The following LRRC37A3 variants were observed in gnomAD, a reference collection of about 807,000 sequenced individuals.
LRRC37A3 encodes the protein leucine rich repeat containing 37 member A3, also known as leucine-rich repeat-containing protein 37A3.
A neutral mutation model predicts 106.2 loss-of-function variants in LRRC37A3; 25 were observed. The ratio of observed to expected loss-of-function variants is 0.24; its 90% CI spans 0.17 to 0.33. LRRC37A3 has a LOEUF of 0.33. Ranked by LOEUF, LRRC37A3 falls within the 10% of genes least tolerant of loss-of-function variation. LRRC37A3 has a pLI of 1.00. For synonymous variants in LRRC37A3, 305 were observed against 635.8 expected, an observed-to-expected ratio of 0.48 and a Z score of 7.83; for missense variants, 712 against 1,644.9, an observed-to-expected ratio of 0.43 and a Z score of 9.81.
intron 8 of LRRC37A3, among the ~76,000 whole-genome samples, chr17:64,880,529 C>G (rs1479610130): frequency 1.3e-5 from 2 of 152,150 alleles, no homozygotes; most frequent in East Asian, 3.8e-4. Context: ...AACTAAGGTG[C>G]ACTGACTCCC....
chr17:64,899,505 T>C (rs1244043407), intron 2 of LRRC37A3, among the ~76,000 whole-genome samples: 5 of 142,152 alleles, frequency 3.5e-5, no homozygotes, highest in Admixed American at 6.8e-5. Flanking sequence ...CCATCATATA[T>C]GTGGTCTACT....
At chr17:64,912,719 A>T (rs1353645694) in intron 2 of LRRC37A3, among the ~76,000 whole-genome samples, 1 of 149,606 alleles carries the variant, frequency 6.7e-6, no homozygotes, top group Non-Finnish European at 1.5e-5. Flanking sequence ...GATTACATTT[A>T]AAAGAAAAAC....
Position 64,860,007 on chromosome 17 carries a change from T to C in LRRC37A3, c.4139A>G (p.Glu1380Gly), listed in dbSNP as rs1021010409. Reference protein sequence around the residue: ...NPFLEVSAPSEHFIENNNTKD... With the variant: ...NPFLEVSAPSGHFIENNNTKD... ...TGTATTATTGTTTTCTATAAAATGT[T>C]CTGAAGGAGCAGATACTTCCAGAAA... The change falls in exon 12 of 15, where the codon GAA (glutamate) becomes GGA (glycine). Residue 1380 changes from glutamate to glycine, a missense_variant. Transcript: ENST00000584306. 1.9e-6 allele frequency: 3 copies of C among 1,613,766 alleles called. No individual in the cohort carries two copies. Among genetic ancestry groups the C allele is most frequent in the Non-Finnish European group, 2.5e-6 (3 of 1,179,876 alleles).
Position 64,872,501 on chromosome 17 carries a change from C to A in LRRC37A3, c.2907-3335G>T, listed in dbSNP as rs571180734. Among the ~76,000 whole-genome samples the A allele has an allele frequency of 1.8e-4, 27 of 152,266 alleles. 1 individual carries two copies. In the South Asian group the frequency reaches 5.2e-3, roughly 29 times the overall value. The stretch of plus-strand genomic sequence containing the variant: ...ATCTGTCTGGTGGTTCCCTGGAAGA[C>A]CTCATTTGAAAGGTCTGTCTTTATT... On this transcript the variant is annotated intron_variant, in intron 8 of 14. Coordinates refer to ENST00000584306, the MANE Select transcript of LRRC37A3 (RefSeq NM_199340.5).
chr17:64,866,624 ATATATTTTTT>A (rs1460373385), intron 10 of LRRC37A3, among the ~76,000 whole-genome samples: 3 of 23,914 alleles, frequency 1.3e-4, no homozygotes, highest in African/African-American at 6.9e-4. Flanking sequence ...ATATATATAT[ATATATTTTTT>A]TTTTTTTTTT....
At chr17:64,861,563 A>G (rs1972872648) in intron 11 of LRRC37A3, among the ~76,000 whole-genome samples, 1 of 152,226 alleles carries the variant, frequency 6.6e-6, no homozygotes, top group South Asian at 2.1e-4. Flanking sequence ...GCCCCATCAC[A>G]GAAGATGCGA....
At chr17:64,908,878 C>CA (rs1342637314) in intron 2 of LRRC37A3, among the ~76,000 whole-genome samples, 1 of 142,058 alleles carries the variant, frequency 7.0e-6, no homozygotes, top group Non-Finnish European at 1.5e-5. Context: ...GCCTGGGCAA[C>CA]ACAGGGATAC....
In LRRC37A3 at chr17:64,855,866, T is replaced by C. The variant is rs1972661507; in HGVS notation, c.4833A>G (p.Leu1611=). ...LIEICCHRRS[L]QEDEEGFSRD... ...TTGAGAATCCTTCTTCATCTTCTTGTAATGACCTTCGGTGACAACAGATCT... is the reference window on the plus strand; with the variant it reads ...TTGAGAATCCTTCTTCATCTTCTTGCAATGACCTTCGGTGACAACAGATCT... Residue 1611 remains leucine, a synonymous_variant, in exon 14 of 15, where the codon TTA becomes TTG. Transcript: ENST00000584306. The C allele has an allele frequency of 6.2e-7, 1 of 1,611,852 alleles. No homozygotes were observed. The highest frequency in any genetic ancestry group is 8.5e-7 in the Non-Finnish European group (1 of 1,179,714).
In LRRC37A3 at chr17:64,866,628, A is replaced by ATT. The variant is rs1183521580; in HGVS notation, c.3053+1832_3053+1833dup. Among the ~76,000 whole-genome samples the ATT allele has an allele frequency of 6.0e-3, 108 of 17,870 alleles. 20 individuals carry two copies. The highest frequency in any genetic ancestry group is 7.9e-3 in the Non-Finnish European group (92 of 11,582). 11.7% of individuals were successfully genotyped at this position (17,870 alleles called of 152,430 possible). ...TATATATATATATATATATATATAT[A>ATT]TTTTTTTTTTTTTTTTTTTTTAGAC... On this transcript the variant is annotated intron_variant, in intron 10 of 14. Coordinates refer to ENST00000584306, the MANE Select transcript of LRRC37A3 (RefSeq NM_199340.5).
intron 9 of LRRC37A3, among the ~76,000 whole-genome samples, chr17:64,868,874 CAA>C (rs1973210116): frequency 6.6e-6 from 1 of 152,146 alleles, no homozygotes; most frequent in Non-Finnish European, 1.5e-5. Flanking sequence ...CTACATGTTG[CAA>C]ATCTATATGG....
intron 11 of LRRC37A3, 124 bp downstream of exon 11, chr17:64,862,776 C>T (rs1468320282): frequency 5.6e-6 from 7 of 1,241,742 alleles, no homozygotes; most frequent in Non-Finnish European, 4.5e-6. Context: ...GAGTTTAACT[C>T]TGAATGAGTA....
chr17:64,859,099 C>T (rs143994301), intron 12 of LRRC37A3, among the ~76,000 whole-genome samples: 2,658 of 152,136 alleles, frequency 0.017, 232 homozygotes, highest in Admixed American at 0.15. Context: ...ACTACAGGCA[C>T]GTGTCATCAA....
intron 13 of LRRC37A3, among the ~76,000 whole-genome samples, chr17:64,856,618 G>A (rs1398722244): frequency 6.7e-6 from 1 of 150,208 alleles, no homozygotes; most frequent in Non-Finnish European, 1.5e-5. Flanking sequence ...TGAATCTGAA[G>A]ATGTGGACCT....
intron 10 of LRRC37A3, 195 bp from the exon 11 acceptor site, chr17:64,863,213 G>T: frequency 1.6e-6 from 1 of 636,348 alleles, no homozygotes; most frequent in South Asian, 1.8e-5. Flanking sequence ...ATGGCAGTGA[G>T]TATGGTATGC....
rs1972597750 is a variant in LRRC37A3, at chr17:64,854,161, T to C, written c.*438A>G. On this transcript the variant is annotated 3_prime_UTR_variant, in exon 15 of 15. Coordinates refer to ENST00000584306, the MANE Select transcript of LRRC37A3 (RefSeq NM_199340.5). ...AAAAAGCAATGTGAATCTTTTGCCATCTTGTAAGGGTGAAAAGCCCCCTAC... is the reference window on the plus strand; with the variant it reads ...AAAAAGCAATGTGAATCTTTTGCCACCTTGTAAGGGTGAAAAGCCCCCTAC... Among the ~76,000 whole-genome samples, 2 of 152,198 alleles carry C rather than the reference T, an allele frequency of 1.3e-5. No individual in the cohort carries two copies. Among genetic ancestry groups the C allele is most frequent in the African/African-American group, 4.8e-5 (2 of 41,442 alleles).
At position 64,859,778 on chromosome 17, in the gene LRRC37A3, G is replaced by A. The variant is rs146421643; in HGVS notation, c.4368C>T (p.Pro1456=). Residue 1456 remains proline, a synonymous_variant, in exon 12 of 15, where the codon CCC becomes CCT. Coordinates refer to ENST00000584306, the MANE Select transcript of LRRC37A3 (RefSeq NM_199340.5). The part of the protein sequence containing the change: ...EYNNVGTDLS[P]EPKSFNYPLL... ...ATGGGTAATTGAAGCTTTTGGGCTC[G>A]GGGGACAGGTCAGTGCCCACGTTGT... The A allele has an allele frequency of 2.9e-5, 47 of 1,612,192 alleles. No individual in the cohort carries two copies. Among genetic ancestry groups the A allele is most frequent in the Admixed American group, 1.5e-4 (9 of 59,942 alleles).
At chr17:64,858,654 T>G (rs1972762835) in intron 13 of LRRC37A3, 125 bp downstream of exon 13, 1 of 761,314 alleles carries the variant, frequency 1.3e-6, no homozygotes, top group African/African-American at 1.7e-5. Flanking sequence ...ACCTCAGCCT[T>G]AAATGACTGA....
chr17:64,866,526 C>G (rs1487079667), intron 10 of LRRC37A3, among the ~76,000 whole-genome samples: 19 of 133,476 alleles, frequency 1.4e-4, no homozygotes, highest in Admixed American at 1.1e-3. Context: ...CACAATAGGG[C>G]CCTGCAGGCA....
intron 2 of LRRC37A3, among the ~76,000 whole-genome samples, chr17:64,916,604 CATCTCT>C (rs1461669137): frequency 1.4e-5 from 2 of 144,514 alleles, no homozygotes; most frequent in Non-Finnish European, 3.0e-5. Context: ...ATCAAAACCC[CATCTCT>C]ATTAAAAAAA....
Sources: gnomAD v4.1 joint callset for allele counts (sites outside exome capture counted in the v4.1 genomes callset) on GRCh38, gnomAD v4.1.1 for gene constraint, MANE v1.5 for transcripts, NCBI Gene and HGNC (gene_info 2026-07-23, HGNC 2026-07-21) for gene names.